The following ACOT1 variants were observed in gnomAD, a reference collection of about 807,000 sequenced individuals.
ACOT1 encodes the protein acyl-CoA thioesterase 1.
ACOT1 carries 8 observed loss-of-function variants against 15.7 expected under a neutral mutation model. The ratio of observed to expected loss-of-function variants is 0.51; its 90% confidence interval spans 0.30 to 0.92. The LOEUF is 0.92. Ranked by LOEUF, ACOT1 falls within the 40% of genes least tolerant of loss-of-function variation. The pLI, the probability that ACOT1 is intolerant of heterozygous loss-of-function variation, is 0.06. For missense variants in ACOT1, 151 were observed against 539.4 expected (o/e 0.28, Z 7.13); for synonymous variants, 67 against 241.2 (o/e 0.28, Z 6.69).
At chr14:73,537,020 G>T, upstream of ACOT1, 1 of 127,852 alleles carries the variant, frequency 7.8e-6, no homozygotes, top group Non-Finnish European at 1.5e-5. Context: ...CTTTCGCTCT[G>T]TCGCCCAGGC....
the ACOT1 span, chr14:73,491,718 A>G: frequency 6.4e-7 from 1 of 1,551,264 alleles, no homozygotes; most frequent in Non-Finnish European, 8.7e-7. Flanking sequence ...CGGCGGCAGG[A>G]CCACACCTAC....
chr14:73,502,920 C>T, the ACOT1 span: 304 of 1,613,590 alleles, frequency 1.9e-4, 1 homozygote, highest in Non-Finnish European at 2.4e-4. Flanking sequence ...ACCTCTTTCC[C>T]GAGGCTCATT....
At chr14:73,536,793 G>T (rs934928678), upstream of ACOT1, among the ~76,000 whole-genome samples, 1 of 114,562 alleles carries the variant, frequency 8.7e-6, no homozygotes, top group African/African-American at 2.9e-5. Context: ...CGATGTGGGA[G>T]TGATGTGGAG....
the ACOT1 span, among the ~76,000 whole-genome samples, chr14:73,513,861 G>T: frequency 6.6e-6 from 1 of 151,028 alleles, no homozygotes; most frequent in East Asian, 2.0e-4. Flanking sequence ...GTTAACTGAA[G>T]TTCATCTAAC....
the ACOT1 span, chr14:73,500,792 C>T: frequency 6.9e-7 from 1 of 1,451,992 alleles, no homozygotes; most frequent in South Asian, 1.2e-5. Flanking sequence ...ACCCCCAACC[C>T]CCACTAATGC....
the ACOT1 span, among the ~76,000 whole-genome samples, chr14:73,524,311 ATATAT>A: frequency 4.0e-4 from 21 of 52,656 alleles, no homozygotes; most frequent in Non-Finnish European, 8.1e-4. Context: ...AAAAAAAAAA[ATATAT>A]ATATATATAT....
the ACOT1 span, among the ~76,000 whole-genome samples, chr14:73,516,057 A>G: frequency 3.7e-5 from 2 of 54,760 alleles, no homozygotes; most frequent in African/African-American, 1.9e-4. Flanking sequence ...AATAAAAAAT[A>G]CAACTGCCAA....
At chr14:73,500,605 G>A in the ACOT1 span, 3 of 1,614,122 alleles carry the variant, frequency 1.9e-6, no homozygotes, top group Non-Finnish European at 2.5e-6. Context: ...CCGCCGAACT[G>A]CTGTGAAGTC....
chr14:73,492,384 G>T, the ACOT1 span: 1 of 1,613,868 alleles, frequency 6.2e-7, no homozygotes, highest in Non-Finnish European at 8.5e-7. The surrounding 1 kb of genome is among the most constrained non-coding windows in gnomAD (Gnocchi z 4.9). Context: ...GGTCTGCCCC[G>T]AGACTTCATG....
chr14:73,520,701 T>G, the ACOT1 span: 3 of 682,204 alleles, frequency 4.4e-6, no homozygotes, highest in Admixed American at 7.7e-5. Flanking sequence ...CCAACTCCTG[T>G]GCTAGTGTGG....
At chr14:73,524,310 A>AAAAAAATATATAT in the ACOT1 span, among the ~76,000 whole-genome samples, 7 of 54,780 alleles carry the variant, frequency 1.3e-4, no homozygotes, top group African/African-American at 1.8e-4. Context: ...AAAAAAAAAA[A>AAAAAAATATATAT]ATATATATAT....
the ACOT1 span, among the ~76,000 whole-genome samples, chr14:73,504,019 G>T: frequency 6.6e-6 from 1 of 151,760 alleles, no homozygotes; most frequent in South Asian, 2.1e-4. Flanking sequence ...TTGTTAAAAT[G>T]ATATTGTTAA....
chr14:73,493,949 T>A, the ACOT1 span, among the ~76,000 whole-genome samples: 1 of 152,238 alleles, frequency 6.6e-6, no homozygotes, highest in African/African-American at 2.4e-5. Flanking sequence ...AGAAAAATTA[T>A]TTTCTACCAG....
At chr14:73,491,223 A>G in the ACOT1 span, 1 of 1,592,538 alleles carries the variant, frequency 6.3e-7, no homozygotes, top group Non-Finnish European at 8.6e-7. Flanking sequence ...TCGAGGGTGG[A>G]GTCGACGGCC....
chr14:73,522,397 A>T, the ACOT1 span: 9 of 1,614,122 alleles, frequency 5.6e-6, no homozygotes, highest in Non-Finnish European at 7.6e-6. Flanking sequence ...GGTCACTGGC[A>T]GAGGTAAGCT....
chr14:73,535,674 T>C (rs1343625235), upstream of ACOT1, among the ~76,000 whole-genome samples: 24 of 111,102 alleles, frequency 2.2e-4, 9 homozygotes, highest in Non-Finnish European at 3.7e-4. Flanking sequence ...AGAGACGGAG[T>C]TTCACTGTGT....
chr14:73,512,938 A>G, the ACOT1 span, among the ~76,000 whole-genome samples: 3 of 152,190 alleles, frequency 2.0e-5, no homozygotes, highest in Non-Finnish European at 4.4e-5. Flanking sequence ...CTCAAATACC[A>G]TAGCTTTCAA....
the ACOT1 span, among the ~76,000 whole-genome samples, chr14:73,511,644 G>T: frequency 2.0e-5 from 3 of 152,248 alleles, no homozygotes; most frequent in East Asian, 5.8e-4. Context: ...GGAGGTTAAG[G>T]TGGGAGGATT....
At chr14:73,506,411 TCTGTAGCTCAGCCTCTCTTAGG>T in the ACOT1 span, 1 of 1,292,644 alleles carries the variant, frequency 7.7e-7, no homozygotes, top group Non-Finnish European at 1.1e-6. Context: ...GTAGAAGGCC[TCTGTAGCTCAGCCTCTCTTAGG>T]CTTTCTGTCC....
Sources: gnomAD v4.1 joint callset for allele counts (sites outside exome capture counted in the v4.1 genomes callset) on GRCh38, gnomAD v4.1.1 for gene constraint, Gnocchi (gnomAD v3.1) non-coding constraint, MANE v1.5 for transcripts, NCBI Gene and HGNC (gene_info 2026-07-23, HGNC 2026-07-21) for gene names.